Variants in GAS7 observed in about 807,000 individuals in gnomAD.
GAS7 encodes the protein growth arrest-specific protein 7.
GAS7 carries 28 observed loss-of-function variants against 71.1 expected under a neutral mutation model. That is an observed-to-expected ratio of 0.39 (90% CI 0.29 to 0.54). The LOEUF (loss-of-function observed/expected upper bound fraction) is 0.54. Among genes scored for constraint, GAS7 ranks in the 20% least tolerant of loss-of-function variants. The probability of loss-of-function intolerance (pLI) is 0.62; values close to 1 mark genes in which losing one functional copy is unlikely to be tolerated. For synonymous variants in GAS7, 258 were observed against 245.8 expected, an observed-to-expected ratio of 1.05 and a Z score of -0.46; for missense variants, 436 against 627.8, an observed-to-expected ratio of 0.69 and a Z score of 3.27.
chr17:10,009,691 C>A (rs1237495845), intron 2 of GAS7, among the ~76,000 whole-genome samples: 94 of 136,544 alleles, frequency 6.9e-4, no homozygotes, highest in African/African-American at 2.2e-3. Flanking sequence ...AAAAAAAAAC[C>A]AAACAAAAAA....
chr17:10,076,189 G>A (rs1367945728), intron 1 of GAS7, among the ~76,000 whole-genome samples: 1 of 95,088 alleles, frequency 1.1e-5, no homozygotes, highest in Non-Finnish European at 2.1e-5. Flanking sequence ...AAGGGAAGTG[G>A]AAAGGGAGAG....
At chr17:10,031,263 C>T (rs761597368) in intron 1 of GAS7, among the ~76,000 whole-genome samples, 29 of 152,288 alleles carry the variant, frequency 1.9e-4, no homozygotes, top group Non-Finnish European at 4.0e-4. Flanking sequence ...GGACACAGAA[C>T]AATAGACTCT....
chr17:10,035,993 T>C (rs1597733103), intron 1 of GAS7, among the ~76,000 whole-genome samples: 2 of 152,298 alleles, frequency 1.3e-5, no homozygotes, highest in South Asian at 4.1e-4. Flanking sequence ...AAAAGCCAGA[T>C]AGGTGGGTAG....
At chr17:10,117,340 C>T (rs2073869666) in intron 1 of GAS7, among the ~76,000 whole-genome samples, 3 of 152,146 alleles carry the variant, frequency 2.0e-5, no homozygotes, top group African/African-American at 7.2e-5. Context: ...ATCTCCGGTT[C>T]TCAACTTAAT....
intron 1 of GAS7, among the ~76,000 whole-genome samples, chr17:10,171,460 T>C (rs1242100651): frequency 6.6e-6 from 1 of 152,210 alleles, no homozygotes. Context: ...TTGAAGCGTC[T>C]CTGAAGTTTG....
intron 1 of GAS7, among the ~76,000 whole-genome samples, chr17:10,113,794 C>G (rs897567016): frequency 6.6e-5 from 10 of 152,170 alleles, no homozygotes; most frequent in African/African-American, 2.2e-4. Flanking sequence ...GGAAGGAGAC[C>G]AACTTTTCAC....
At chr17:10,036,340 A>C in intron 1 of GAS7, 2 of 1,077,112 alleles carry the variant, frequency 1.9e-6, no homozygotes, top group South Asian at 2.5e-5. Context: ...CAGTTTTCAG[A>C]GCTGCCTCTT....
chr17:10,079,812 G>A (rs552216424), intron 1 of GAS7, among the ~76,000 whole-genome samples: 3 of 152,232 alleles, frequency 2.0e-5, no homozygotes, highest in African/African-American at 4.8e-5. Context: ...TCAAATATTC[G>A]ACAGAGTTTC....
At chr17:10,084,944 A>G (rs900704419) in intron 1 of GAS7, among the ~76,000 whole-genome samples, 5 of 152,110 alleles carry the variant, frequency 3.3e-5, no homozygotes, top group African/African-American at 1.2e-4. Context: ...CCCTCAGGAC[A>G]CTTCGTGCTG....
chr17:10,187,037 CATCT>C (rs1201247364), intron 1 of GAS7, among the ~76,000 whole-genome samples: 6 of 152,228 alleles, frequency 3.9e-5, no homozygotes, highest in African/African-American at 1.4e-4. Context: ...TCAACAGGGC[CATCT>C]ACATAGATAC....
chr17:9,930,898 G>C (rs532401712), intron 9 of GAS7, among the ~76,000 whole-genome samples: 1 of 152,206 alleles, frequency 6.6e-6, no homozygotes, highest in Non-Finnish European at 1.5e-5. Context: ...AGAGCCTCTC[G>C]TAGCAAAGTC....
chr17:10,141,001 A>C (rs1597815198), intron 1 of GAS7, among the ~76,000 whole-genome samples: 2 of 152,148 alleles, frequency 1.3e-5, no homozygotes, highest in Admixed American at 6.6e-5. Context: ...GACTGGCCCC[A>C]CCCTGGTGTG....
intron 1 of GAS7, among the ~76,000 whole-genome samples, chr17:10,102,213 A>G (rs1244026166): frequency 6.7e-6 from 1 of 149,886 alleles, no homozygotes; most frequent in Non-Finnish European, 1.5e-5. Flanking sequence ...CGTAAAAAAA[A>G]AAAAAAAAAA....
At chr17:10,165,111 C>T (rs933422129) in intron 1 of GAS7, among the ~76,000 whole-genome samples, 4 of 147,946 alleles carry the variant, frequency 2.7e-5, no homozygotes, top group Admixed American at 1.3e-4. Flanking sequence ...AGTGAAACCC[C>T]GTCTCTACTA....
rs1056607689 is a variant in GAS7, at chr17:9,916,669, G to C, written c.*559C>G. 1.2e-5 allele frequency: 4 copies of C among 332,406 alleles called. No homozygotes were observed. The Admixed American group carries it at 1.9e-4, about 16-fold the overall frequency. The allele number at this position is 332,406 out of a possible 1,614,324, so 20.6% of individuals were successfully genotyped here. On this transcript the variant is annotated 3_prime_UTR_variant, in exon 14 of 14. Transcript: ENST00000432992. ...AAGCCTTCCTCCTAAAACCCCTGGT[G>C]ATGAACAGTGGCTGAGAAAGCCAGA... is the stretch of plus-strand genomic sequence containing the variant.
At chr17:9,948,861 G>A (rs1028082732) in intron 5 of GAS7, among the ~76,000 whole-genome samples, 3 of 152,154 alleles carry the variant, frequency 2.0e-5, no homozygotes, top group Non-Finnish European at 4.4e-5. Flanking sequence ...CTCCTAGGAC[G>A]CGGGCTAATT....
intron 1 of GAS7, chr17:10,036,322 C>A (rs553561869): frequency 5.3e-6 from 5 of 949,966 alleles, no homozygotes; most frequent in South Asian, 5.2e-5. Context: ...CAGTTAGACC[C>A]CAAATCTCAG....
Position 10,198,347 on chromosome 17 carries a change from TC to T in GAS7, c.43del (p.Glu15SerfsTer14). ...GAAGCGCAGCCCCTGGCCGTGCCGCTCCCCGGAGAAGGGGTACAGGGTCCGG... is the reference window on the plus strand; with the variant it reads ...GAAGCGCAGCCCCTGGCCGTGCCGCTCCCGGAGAAGGGGTACAGGGTCCGG... Reference protein sequence around the residue: ...RCRTLYPFSGERHGQGLRFAA... With the variant: ...RCRTLYPFSGXRHGQGLRFAA... On this transcript the variant is annotated frameshift_variant, in exon 1 of 14. Coordinates refer to ENST00000432992, the MANE Select transcript of GAS7 (RefSeq NM_201433.2). LOFTEE classifies it high-confidence loss of function. The T allele has an allele frequency of 6.3e-7, 1 of 1,598,486 alleles. No homozygotes were observed.
chr17:10,142,311 T>C (rs2074089175), intron 1 of GAS7, among the ~76,000 whole-genome samples: 1 of 152,238 alleles, frequency 6.6e-6, no homozygotes, highest in South Asian at 2.1e-4. Context: ...GGAAGAAATG[T>C]ACACACAAAG....
Sources: allele counts gnomAD v4.1 joint callset (sites outside exome capture counted in the v4.1 genomes callset), GRCh38; gene constraint gnomAD v4.1.1; transcripts MANE v1.5; gene names NCBI Gene and HGNC (gene_info 2026-07-23, HGNC 2026-07-21).